Variants in SDK1 observed in about 807,000 individuals in gnomAD.
The protein encoded by SDK1 is protein sidekick-1.
In SDK1, 157 loss-of-function variants were observed where a neutral mutation model predicts 245.5. The observed-to-expected ratio is 0.64, with a 90% CI of 0.56 to 0.73. The LOEUF is 0.73. SDK1 is among the 30% of genes least tolerant of loss of function. SDK1 has a pLI of 0.00. For synonymous variants in SDK1, 1,647 were observed against 1,278.5 expected, an observed-to-expected ratio of 1.29 and a Z score of -6.15; for missense variants, 3,583 against 3,002.3, an observed-to-expected ratio of 1.19 and a Z score of -4.52.
intron 4 of SDK1, among the ~76,000 whole-genome samples, chr7:3,814,380 C>T (rs1779457851): frequency 6.7e-6 from 1 of 149,892 alleles, no homozygotes; most frequent in South Asian, 2.1e-4. Flanking sequence ...ATCCTTTCCC[C>T]ATTGCTTGTT....
At chr7:4,089,419 G>C (rs960029204) in intron 22 of SDK1, among the ~76,000 whole-genome samples, 21 of 152,254 alleles carry the variant, frequency 1.4e-4, no homozygotes, top group Admixed American at 1.3e-4. Flanking sequence ...GCCTCAGGGG[G>C]CCTCTGTGCT....
At chr7:3,516,726 T>C (rs893460851) in intron 1 of SDK1, among the ~76,000 whole-genome samples, 2 of 152,210 alleles carry the variant, frequency 1.3e-5, no homozygotes, top group Admixed American at 1.3e-4. Context: ...GGAAGTCTGA[T>C]GTGAAGAACT....
In SDK1 at chr7:3,723,744, G is replaced by A. The variant is rs1041708386; in HGVS notation, c.713+81639G>A. Among the ~76,000 whole-genome samples, 3 of 150,584 alleles carry A rather than the reference G, an allele frequency of 2.0e-5. 1 individual carries two copies. The highest frequency in any genetic ancestry group is 2.0e-4 in the East Asian group (1 of 5,084). The stretch of plus-strand genomic sequence containing the variant: ...TATACACGTACATATACATATACAC[G>A]TGTATATACACGTACATATACATAT... On this transcript the variant is annotated intron_variant, in intron 4 of 44. Transcript: ENST00000404826.
chr7:4,258,373 A>G (rs1317419830), intron 44 of SDK1, among the ~76,000 whole-genome samples: 2 of 152,196 alleles, frequency 1.3e-5, no homozygotes, highest in African/African-American at 2.4e-5. Flanking sequence ...CAGGGCAGAG[A>G]GATGCCCAAA....
intron 44 of SDK1, among the ~76,000 whole-genome samples, chr7:4,263,595 A>G (rs1328835201): frequency 2.6e-5 from 1 of 38,882 alleles, no homozygotes; most frequent in Non-Finnish European, 4.9e-5. Context: ...GAGGCCGCGT[A>G]GACCTCTCCT....
intron 17 of SDK1, among the ~76,000 whole-genome samples, chr7:4,043,223 G>A (rs989741780): frequency 6.6e-6 from 1 of 152,164 alleles, no homozygotes; most frequent in South Asian, 2.1e-4. Flanking sequence ...CAGGTAGAGT[G>A]AGTGTCACAG....
intron 5 of SDK1, among the ~76,000 whole-genome samples, chr7:3,917,492 C>T (rs1779426188): frequency 6.6e-6 from 1 of 152,136 alleles, no homozygotes. Flanking sequence ...GAGCCCCTCC[C>T]TGTGCTCAGG....
In SDK1 at chr7:4,139,675, ATATGTGTGTGTGTG is replaced by A. The variant is rs1562872604; in HGVS notation, c.4229-6017_4229-6004del. On this transcript the variant is annotated intron_variant, in intron 28 of 44. Transcript: ENST00000404826. ...TGTGTGTGTGTATATGTGTGTGTGTATATGTGTGTGTGTGTATGTGTGTGTGTGTATGTGTGTGT... is the reference window on the plus strand; with the variant it reads ...TGTGTGTGTGTATATGTGTGTGTGTATATGTGTGTGTGTGTATGTGTGTGT... Among the ~76,000 whole-genome samples the A allele has an allele frequency of 1.3e-3, 23 of 17,542 alleles. 3 individuals carry two copies. The highest frequency in any genetic ancestry group is 1.8e-3 in the South Asian group (1 of 556). The allele number at this position is 17,542 out of a possible 152,430, so 11.5% of individuals were successfully genotyped here. A position where few individuals can be genotyped will look rare whatever the true frequency, so the allele number is the denominator to read the frequency against.
chr7:3,312,578 TA>T (rs542517726), intron 1 of SDK1, among the ~76,000 whole-genome samples: 1,365 of 131,860 alleles, frequency 0.01, 13 homozygotes, highest in African/African-American at 0.026. Flanking sequence ...TGTTTTTTTT[TA>T]AAAAAAATAA....
In SDK1 at chr7:3,386,161, AAGACTTG is replaced by A. The variant is rs1452768818; in HGVS notation, c.298+84278_298+84284del. Among the ~76,000 whole-genome samples the A allele has an allele frequency of 6.6e-5, 10 of 152,312 alleles. No homozygotes were observed. In the East Asian group the frequency reaches 1.9e-3, roughly 29 times the overall value. On this transcript the variant is annotated intron_variant, in intron 1 of 44. Coordinates refer to ENST00000404826, the MANE Select transcript of SDK1 (RefSeq NM_152744.4). ...TTAAAAAAAATTGGATAGCAGAAAT[AAGACTTG>A]TTTTATGTATTAGCATCCAGCCAAA...
intron 5 of SDK1, among the ~76,000 whole-genome samples, chr7:3,902,664 G>C (rs536555288): frequency 1.4e-4 from 21 of 152,254 alleles, no homozygotes; most frequent in Middle Eastern, 3.4e-3. Context: ...TGTTAGTATA[G>C]TTCAAAAGTC....
chr7:3,432,302 A>C (rs1460933261), intron 1 of SDK1, among the ~76,000 whole-genome samples: 1 of 151,882 alleles, frequency 6.6e-6, no homozygotes, highest in Admixed American at 6.6e-5. Context: ...GCATTGGGAC[A>C]CTGGCAGCAT....
chr7:4,169,684 T>A (rs1022196457), intron 32 of SDK1, among the ~76,000 whole-genome samples: 13 of 152,204 alleles, frequency 8.5e-5, no homozygotes, highest in African/African-American at 2.9e-4. Flanking sequence ...GCTCAGTGTT[T>A]GCGTGCATTC....
chr7:4,012,541 A>G (rs1199981194), intron 16 of SDK1, among the ~76,000 whole-genome samples: 1 of 100,642 alleles, frequency 9.9e-6, no homozygotes, highest in Non-Finnish European at 2.0e-5. Flanking sequence ...ATATTGTTCA[A>G]TGTGAAGCTT....
intron 1 of SDK1, among the ~76,000 whole-genome samples, chr7:3,379,809 C>G (rs954830914): frequency 1.7e-5 from 1 of 58,734 alleles, no homozygotes; most frequent in South Asian, 7.5e-4. Context: ...AAATCCAAAA[C>G]TTCTTGAGCC....
chr7:4,110,835 T>C (rs1783293563), intron 23 of SDK1, 63 bp downstream of exon 23: 6 of 1,127,536 alleles, frequency 5.3e-6, no homozygotes, highest in Non-Finnish European at 6.8e-6. Flanking sequence ...AGGTGCCTTC[T>C]GTTGGCAATA....
At chr7:4,203,648 G>A (rs1157279035) in intron 35 of SDK1, among the ~76,000 whole-genome samples, 3 of 152,090 alleles carry the variant, frequency 2.0e-5, no homozygotes, top group Non-Finnish European at 2.9e-5. Flanking sequence ...AACTGCACAC[G>A]CTTTACGGAG....
chr7:4,039,321 T>C (rs974352924), intron 17 of SDK1, among the ~76,000 whole-genome samples: 8 of 152,072 alleles, frequency 5.3e-5, no homozygotes, highest in Non-Finnish European at 1.0e-4. Flanking sequence ...AAGTTTCTTA[T>C]TATGATGGGA....
chr7:3,546,660 G>C (rs572606997), intron 1 of SDK1, among the ~76,000 whole-genome samples: 2 of 152,234 alleles, frequency 1.3e-5, no homozygotes, highest in Non-Finnish European at 2.9e-5. Flanking sequence ...GCCCAGGGGG[G>C]ACGTCTCCCA....
Sources: gnomAD v4.1 joint callset for allele counts (sites outside exome capture counted in the v4.1 genomes callset) on GRCh38, gnomAD v4.1.1 for gene constraint, MANE v1.5 for transcripts, NCBI Gene and HGNC (gene_info 2026-07-23, HGNC 2026-07-21) for gene names.